HSPA14: variants seen among roughly 807,000 people sequenced by gnomAD.
The protein encoded by HSPA14 is heat shock 70 kDa protein 14.
HSPA14 carries 37 observed loss-of-function variants against 65.5 expected under a neutral mutation model. The observed-to-expected ratio is 0.56, with a 90% CI of 0.43 to 0.74. The LOEUF (loss-of-function observed/expected upper bound fraction) is 0.74, where lower values mean the gene tolerates loss of function less well. HSPA14 is among the 30% of genes least tolerant of loss of function. HSPA14 has a pLI of 0.00. For synonymous variants in HSPA14, 203 were observed against 214.2 expected (o/e 0.95, Z 0.46); for missense variants, 564 against 607.6 (o/e 0.93, Z 0.75).
rs1200596166 is a variant in HSPA14, at chr10:14,843,335, A to T, written c.221+3178A>T. 1.9e-6 allele frequency: 3 copies of T among 1,549,866 alleles called. No homozygotes were observed. The African/African-American group carries it at 4.1e-5, about 21-fold the overall frequency. Reference sequence around the variant, plus strand: ...GGCTCCAAGCATTCCCTTAGCAGGAATGTTCTCTTTGCAACATTGTTGCTT... The same window carrying T: ...GGCTCCAAGCATTCCCTTAGCAGGATTGTTCTCTTTGCAACATTGTTGCTT... On this transcript the variant is annotated intron_variant, in intron 3 of 13. Coordinates refer to ENST00000378372, the MANE Select transcript of HSPA14 (RefSeq NM_016299.4).
intron 10 of HSPA14, among the ~76,000 whole-genome samples, chr10:14,861,861 A>G (rs772302156): frequency 3.1e-4 from 47 of 151,574 alleles, no homozygotes; most frequent in Non-Finnish European, 5.9e-4. Flanking sequence ...AAACTACACA[A>G]ATTAGCTGGG....
Position 14,838,443 on chromosome 10 carries a change from G to C in HSPA14, c.41G>C (p.Cys14Ser). The change falls in exon 1 of 14, where the codon TGT becomes TCT. Residue 14 changes from cysteine to serine, a missense_variant. By Grantham distance (112) the Cys-to-Ser change is moderately radical. Transcript: ENST00000378372. ...GTTCACCTGGGCTGCACCTCAGCCT[G>C]TGTGGCCGTCTATAAGGTGAGGGGC... ...IGVHLGCTSA[C>S]VAVYKDGRAG... 7 of 1,605,980 alleles carry C rather than the reference G, an allele frequency of 4.4e-6. No homozygotes were observed. Among genetic ancestry groups the C allele is most frequent in the Non-Finnish European group, 5.9e-6 (7 of 1,178,282 alleles).
At chr10:14,870,309 T>G (rs1329197530) in intron 12 of HSPA14, among the ~76,000 whole-genome samples, 1 of 152,188 alleles carries the variant, frequency 6.6e-6, no homozygotes, top group African/African-American at 2.4e-5. Context: ...TTTCCAAGAT[T>G]AATAGTACAT....
intron 3 of HSPA14, chr10:14,844,226 G>A (rs1834014096): frequency 1.8e-6 from 2 of 1,103,338 alleles, no homozygotes; most frequent in African/African-American, 1.7e-5. Flanking sequence ...AATAACTCCT[G>A]CCCTGCCTAC....
At chr10:14,864,270 GTT>G (rs748502763) in intron 10 of HSPA14, among the ~76,000 whole-genome samples, 2 of 132,920 alleles carry the variant, frequency 1.5e-5, no homozygotes, top group African/African-American at 2.8e-5. Flanking sequence ...TCCAAGGTTG[GTT>G]TTTTTTTTTT....
chr10:14,844,837 G>T, intron 3 of HSPA14: 1 of 985,352 alleles, frequency 1.0e-6, no homozygotes, highest in Non-Finnish European at 1.2e-6. Context: ...GATTATATCA[G>T]TTTCCCATCC....
At chr10:14,840,301 TA>T (rs1294905686) in intron 3 of HSPA14, 144 bp downstream of exon 3, 5 of 327,768 alleles carry the variant, frequency 1.5e-5, no homozygotes, top group African/African-American at 1.1e-4. Flanking sequence ...GTACCCCCAG[TA>T]GGCAGTGTCT....
At chr10:14,839,618 A>G (rs921139689) in intron 1 of HSPA14, among the ~76,000 whole-genome samples, 18 of 151,980 alleles carry the variant, frequency 1.2e-4, no homozygotes, top group Non-Finnish European at 2.1e-4. Flanking sequence ...GAAGAGAGGT[A>G]GGAAAGGTAA....
chr10:14,858,668 T>C (rs772298243), intron 10 of HSPA14, among the ~76,000 whole-genome samples: 4 of 152,198 alleles, frequency 2.6e-5, no homozygotes, highest in Non-Finnish European at 4.4e-5. Context: ...CAGAGAGATA[T>C]ACCCCACCTA....
At chr10:14,850,508 A>G (rs935947739) in intron 6 of HSPA14, among the ~76,000 whole-genome samples, 27 of 152,248 alleles carry the variant, frequency 1.8e-4, no homozygotes, top group Admixed American at 1.4e-3. Context: ...ACAGGTCATT[A>G]TGCAAATGTA....
Position 14,846,366 on chromosome 10 carries a change from A to C in HSPA14, c.222-2243A>C. On this transcript the variant is annotated intron_variant, in intron 3 of 13. Coordinates refer to ENST00000378372, the MANE Select transcript of HSPA14 (RefSeq NM_016299.4). ...TGAGATGAAAGGAGTGCTGAAGAAG[A>C]GCATTGGAATTAATATTTGGATGTG... 4 of 985,394 alleles carry C rather than the reference A, an allele frequency of 4.1e-6. No individual in the cohort carries two copies. In the South Asian group the frequency reaches 1.9e-4, roughly 46 times the overall value. 61.0% of individuals were successfully genotyped at this position (985,394 alleles called of 1,614,324 possible).
At chr10:14,855,279 G>A (rs550993348) in intron 9 of HSPA14, among the ~76,000 whole-genome samples, 1 of 152,226 alleles carries the variant, frequency 6.6e-6, no homozygotes, top group Admixed American at 6.5e-5. Context: ...AAGAAGTTCT[G>A]TATGAAGATT....
At chr10:14,856,677 C>A (rs547061314) in intron 10 of HSPA14, among the ~76,000 whole-genome samples, 1 of 152,020 alleles carries the variant, frequency 6.6e-6, no homozygotes, top group African/African-American at 2.4e-5. Flanking sequence ...GCCTTGGCAA[C>A]ATAGTGAGAC....
chr10:14,847,472 T>C (rs1417497878), intron 3 of HSPA14, among the ~76,000 whole-genome samples: 1 of 152,248 alleles, frequency 6.6e-6, no homozygotes, highest in Non-Finnish European at 1.5e-5. Flanking sequence ...AAACTTTGTA[T>C]TGAAGTTCTG....
chr10:14,861,035 T>C (rs1405795062), intron 10 of HSPA14, among the ~76,000 whole-genome samples: 1 of 152,106 alleles, frequency 6.6e-6, no homozygotes, highest in Non-Finnish European at 1.5e-5. Context: ...AGAGGTATAG[T>C]AGGGTGAGGC....
chr10:14,845,438 C>T, intron 3 of HSPA14: 1 of 985,334 alleles, frequency 1.0e-6, no homozygotes, highest in Non-Finnish European at 1.2e-6. Flanking sequence ...TACCCAGAAC[C>T]ATGAGTAGAC....
chr10:14,864,270 G>GC (rs1554766560), intron 10 of HSPA14, among the ~76,000 whole-genome samples: 1 of 132,920 alleles, frequency 7.5e-6, no homozygotes, highest in Non-Finnish European at 1.6e-5. Flanking sequence ...TCCAAGGTTG[G>GC]TTTTTTTTTT....
At chr10:14,838,599 C>G (rs1283758465) in intron 1 of HSPA14, 140 bp downstream of exon 1, 1 of 816,676 alleles carries the variant, frequency 1.2e-6, no homozygotes. Context: ...CACTCCGGAG[C>G]GAAGGGCCGG....
At chr10:14,846,214 G>A in intron 3 of HSPA14, 1 of 985,222 alleles carries the variant, frequency 1.0e-6, no homozygotes, top group Non-Finnish European at 1.2e-6. Flanking sequence ...GGAAAGATAT[G>A]TGTCAATTAT....
Sources: gnomAD v4.1 joint callset for allele counts (sites outside exome capture counted in the v4.1 genomes callset) on GRCh38, gnomAD v4.1.1 for gene constraint, MANE v1.5 for transcripts, NCBI Gene and HGNC (gene_info 2026-07-23, HGNC 2026-07-21) for gene names.